The following ATF6 variants were observed in gnomAD, a reference collection of about 807,000 sequenced individuals.
ATF6 encodes activating transcription factor 6, also known as cyclic AMP-dependent transcription factor ATF-6 alpha.
ATF6 carries 53 observed loss-of-function variants against 83.6 expected under a neutral mutation model. That is an observed-to-expected ratio of 0.63 (90% CI 0.51 to 0.80). The LOEUF (loss-of-function observed/expected upper bound fraction) is 0.80. Among genes scored for constraint, ATF6 ranks in the 30% least tolerant of loss-of-function variants. ATF6 has a pLI of 0.00. For missense variants in ATF6, 744 were observed against 797.9 expected, an observed-to-expected ratio of 0.93 and a Z score of 0.81; for synonymous variants, 288 against 285.8, an observed-to-expected ratio of 1.01 and a Z score of -0.08.
chr1:161,856,005 A>T (rs913006037), intron 12 of ATF6, among the ~76,000 whole-genome samples: 1 of 152,212 alleles, frequency 6.6e-6, no homozygotes, highest in Non-Finnish European at 1.5e-5. Flanking sequence ...TAGCTACAGG[A>T]GTCAAGAAAG....
At chr1:161,894,487 C>A (rs960597295) in intron 14 of ATF6, among the ~76,000 whole-genome samples, 5 of 70,520 alleles carry the variant, frequency 7.1e-5, no homozygotes, top group African/African-American at 2.1e-4. Context: ...ATAAATTTTT[C>A]TTTGGTTATT....
intron 15 of ATF6, among the ~76,000 whole-genome samples, chr1:161,940,202 T>C (rs1452823600): frequency 2.6e-5 from 4 of 152,186 alleles, no homozygotes. Context: ...TCCTATTAAC[T>C]TTACCTTCAA....
intron 15 of ATF6, among the ~76,000 whole-genome samples, chr1:161,946,544 C>T (rs917490746): frequency 1.3e-5 from 2 of 152,210 alleles, no homozygotes; most frequent in Non-Finnish European, 2.9e-5. Context: ...TCCATAGTTA[C>T]AACCAGGAAT....
chr1:161,863,192 C>T lies in ATF6; in HGVS notation c.1605-6C>T, dbSNP rs774831403. On this transcript the variant is annotated splice_polypyrimidine_tract_variant and splice_region_variant and intron_variant, in intron 13 of 15. Transcript: ENST00000367942. ...TTAGTAATACCTTATATTTTTCTTA[C>T]TTTAGCAGGAACTCAGGGAGTGAGC... The T allele has an allele frequency of 3.2e-6, 5 of 1,546,834 alleles. No homozygotes were observed. The highest frequency in any genetic ancestry group is 4.4e-6 in the Non-Finnish European group (5 of 1,127,328).
rs1557971141 is a variant in ATF6 at position 161,807,863 on chromosome 1, A to ATTTTTTTTTTTTTTTTTTTTTTTTTT, written c.909+5592_909+5593insTTTTTTTTTTTTTTTTTTTTTTTTTT. 7.3e-5 allele frequency among the ~76,000 whole-genome samples: 4 copies of ATTTTTTTTTTTTTTTTTTTTTTTTTT among 54,788 alleles called. 1 individual carries two copies. The highest frequency in any genetic ancestry group is 3.0e-4 in the Admixed American group (2 of 6,656). The allele number at this position is 54,788 out of a possible 152,430, so 35.9% of individuals were successfully genotyped here. On this transcript the variant is annotated intron_variant, in intron 7 of 15. Transcript: ENST00000367942. Reference sequence around the variant, plus strand: ...TACTTTTTGTACTTTTTAGTTTGTCATCTTTTTTTTTTTTTTTTTTTTTTT... The same window carrying ATTTTTTTTTTTTTTTTTTTTTTTTTT: ...TACTTTTTGTACTTTTTAGTTTGTCATTTTTTTTTTTTTTTTTTTTTTTTTTTCTTTTTTTTTTTTTTTTTTTTTTT...
intron 14 of ATF6, among the ~76,000 whole-genome samples, chr1:161,867,032 C>T (rs1442369671): frequency 3.3e-5 from 5 of 152,126 alleles, no homozygotes; most frequent in African/African-American, 7.2e-5. Context: ...CGGTGACTCA[C>T]GCCTGTAATC....
intron 1 of ATF6, among the ~76,000 whole-genome samples, chr1:161,771,407 G>A (rs1317095411): frequency 6.6e-6 from 1 of 152,116 alleles, no homozygotes; most frequent in Non-Finnish European, 1.5e-5. Context: ...ACAACTTCCC[G>A]TAATGCCCCG....
At chr1:161,828,866 T>TC (rs1265978583) in intron 9 of ATF6, among the ~76,000 whole-genome samples, 2 of 151,994 alleles carry the variant, frequency 1.3e-5, no homozygotes, top group Non-Finnish European at 2.9e-5. Flanking sequence ...AAAGAAAGTG[T>TC]CCATCCTAGA....
chr1:161,795,003 G>A (rs12086247), intron 6 of ATF6, among the ~76,000 whole-genome samples: 40,159 of 152,012 alleles, frequency 0.26, 8,948 homozygotes, highest in African/African-American at 0.61. Context: ...AGATGATGGC[G>A]AAAATTATTG....
At chr1:161,799,017 G>A (rs1685081818) in intron 6 of ATF6, among the ~76,000 whole-genome samples, 1 of 152,212 alleles carries the variant, frequency 6.6e-6, no homozygotes, top group South Asian at 2.1e-4. Context: ...AATTGGTTCA[G>A]CCACTGAACG....
intron 14 of ATF6, 85 bp from the exon 15 acceptor site, chr1:161,912,211 T>C (rs1688004749): frequency 3.9e-6 from 3 of 763,660 alleles, no homozygotes; most frequent in Non-Finnish European, 6.1e-6. Flanking sequence ...CAACGAAATA[T>C]TGACCTCTTA....
At chr1:161,832,094 A>G (rs1378367782) in intron 9 of ATF6, among the ~76,000 whole-genome samples, 1 of 152,072 alleles carries the variant, frequency 6.6e-6, no homozygotes, top group African/African-American at 2.4e-5. Context: ...ACAGAATCAC[A>G]CTCTGAAAGA....
chr1:161,791,064 G>GTGTGTGTGTGTGTGTGTCTC (rs1684864133), intron 4 of ATF6, among the ~76,000 whole-genome samples: 1 of 35,926 alleles, frequency 2.8e-5, no homozygotes. Flanking sequence ...AGTTTTATAT[G>GTGTGTGTGTGTGTGTGTCTC]TGTGTGTGTG....
chr1:161,911,568 T>C (rs753311936), intron 14 of ATF6, among the ~76,000 whole-genome samples: 16 of 152,242 alleles, frequency 1.1e-4, no homozygotes, highest in Non-Finnish European at 2.2e-4. Context: ...TATAATTCTT[T>C]AACTCTTCTA....
chr1:161,906,172 C>G (rs2101883770), intron 14 of ATF6, among the ~76,000 whole-genome samples: 1 of 152,188 alleles, frequency 6.6e-6, no homozygotes, highest in Middle Eastern at 3.4e-3. Flanking sequence ...AGCACATGGG[C>G]AGAGACTTCC....
At chr1:161,894,752 A>T (rs1253170314) in intron 14 of ATF6, among the ~76,000 whole-genome samples, 2 of 132,954 alleles carry the variant, frequency 1.5e-5, no homozygotes, top group African/African-American at 5.9e-5. Context: ...GGGTTTCACC[A>T]TCTCAGCCAG....
intron 15 of ATF6, among the ~76,000 whole-genome samples, chr1:161,923,341 C>CA (rs1688252444): frequency 6.6e-6 from 1 of 152,098 alleles, no homozygotes; most frequent in East Asian, 1.9e-4. Flanking sequence ...TTATGATTCA[C>CA]AAAAAATAGC....
chr1:161,871,407 G>A (rs1004688015), intron 14 of ATF6, among the ~76,000 whole-genome samples: 15 of 151,454 alleles, frequency 9.9e-5, no homozygotes, highest in African/African-American at 3.1e-4. Context: ...TACTATCTGG[G>A]TGACCAAATA....
At chr1:161,791,628 T>G in intron 5 of ATF6, 91 bp downstream of exon 5, 1 of 1,396,202 alleles carries the variant, frequency 7.2e-7, no homozygotes, top group South Asian at 1.4e-5. Flanking sequence ...TAAATTTATG[T>G]TTATTAGGCT....
Sources: allele counts gnomAD v4.1 joint callset (sites outside exome capture counted in the v4.1 genomes callset), GRCh38; gene constraint gnomAD v4.1.1; transcripts MANE v1.5; gene names NCBI Gene and HGNC (gene_info 2026-07-23, HGNC 2026-07-21).